SCML4: variants seen among roughly 807,000 people sequenced by gnomAD.
SCML4 encodes the protein sex comb on midleg-like protein 4.
In SCML4, 34 loss-of-function variants were observed where a neutral mutation model predicts 41.1. The ratio of observed to expected loss-of-function variants is 0.83; its 90% CI spans 0.63 to 1.10. The LOEUF (loss-of-function observed/expected upper bound fraction) is 1.10. Ranked by LOEUF, SCML4 falls within the 50% of genes least tolerant of loss-of-function variation. The probability of loss-of-function intolerance (pLI) is 0.00; values close to 1 mark genes in which losing one functional copy is unlikely to be tolerated. For missense variants in SCML4, 522 were observed against 534.1 expected (o/e 0.98, Z 0.22); for synonymous variants, 214 against 220.9 (o/e 0.97, Z 0.28).
intron 1 of SCML4, among the ~76,000 whole-genome samples, chr6:107,788,202 G>A (rs1782047510): frequency 6.6e-6 from 1 of 152,218 alleles, no homozygotes; most frequent in South Asian, 2.1e-4. Flanking sequence ...CCATGTTTCT[G>A]CAAGGACCAG....
chr6:107,795,805 G>A (rs893830753), intron 1 of SCML4, among the ~76,000 whole-genome samples: 12 of 152,174 alleles, frequency 7.9e-5, no homozygotes, highest in Admixed American at 5.2e-4. Context: ...GGGATTACAG[G>A]CTGGAGCCAC....
the SCML4 span, among the ~76,000 whole-genome samples, chr6:107,843,377 G>T: frequency 3.9e-5 from 6 of 152,122 alleles, no homozygotes; most frequent in Non-Finnish European, 5.9e-5. Context: ...TTGTTCCACT[G>T]CCCCTTTAAA....
At chr6:107,720,649 C>T (rs377613746) in intron 6 of SCML4, 54 bp downstream of exon 6, 97 of 1,467,662 alleles carry the variant, frequency 6.6e-5, no homozygotes, top group Admixed American at 4.7e-4. Flanking sequence ...GTGCTCCCCG[C>T]GCAAGGGCAA....
In SCML4 at chr6:107,746,733, A is replaced by C. The variant is rs747405400; in HGVS notation, c.443T>G (p.Val148Gly). ...ATAGCCCTGCTTGACCAGGGAGAAG[A>C]CCAGCTTCTGCTGGTGGGCGCAGTC... ...CIDCAHQQKL[V>G]FSLVKQGYGG... Residue 148 changes from valine to glycine, a missense_variant, in exon 4 of 8, where the codon GTC (valine) becomes GGC (glycine). Physicochemically the swap from Val to Gly is moderately radical, Grantham distance 109 (BLOSUM62 -3). Transcript: ENST00000369020. The C allele has an allele frequency of 3.1e-6, 5 of 1,614,106 alleles. No individual in the cohort carries two copies. Among genetic ancestry groups the C allele is most frequent in the Non-Finnish European group, 4.2e-6 (5 of 1,180,006 alleles).
chr6:107,839,919 T>C, the SCML4 span, among the ~76,000 whole-genome samples: 1 of 152,058 alleles, frequency 6.6e-6, no homozygotes, highest in African/African-American at 2.4e-5. Flanking sequence ...ATCTAAGTTG[T>C]AATTTTTAAA....
At chr6:107,779,112 G>A (rs181372276) in intron 1 of SCML4, among the ~76,000 whole-genome samples, 1 of 152,042 alleles carries the variant, frequency 6.6e-6, no homozygotes, top group Admixed American at 6.5e-5. Context: ...CCCGGGAGGC[G>A]GAGCTTGCAG....
At chr6:107,740,242 T>G (rs1027607656) in intron 5 of SCML4, 11 of 449,380 alleles carry the variant, frequency 2.4e-5, no homozygotes, top group Non-Finnish European at 5.0e-5. Flanking sequence ...CACAATAAAG[T>G]GTGAGACCAC....
chr6:107,765,110 C>A (rs181258153), intron 2 of SCML4, among the ~76,000 whole-genome samples: 2 of 152,318 alleles, frequency 1.3e-5, no homozygotes, highest in East Asian at 1.9e-4. Flanking sequence ...AGTCATTTAA[C>A]AGAAGCTGTC....
At chr6:107,744,205 T>C (rs2114490094) in intron 5 of SCML4, among the ~76,000 whole-genome samples, 1 of 152,332 alleles carries the variant, frequency 6.6e-6, no homozygotes, top group Middle Eastern at 3.4e-3. Context: ...TGCAGATCTA[T>C]AACTCAGGGC....
chr6:107,735,403 C>T (rs1776955485), intron 5 of SCML4, among the ~76,000 whole-genome samples: 1 of 152,164 alleles, frequency 6.6e-6, no homozygotes, highest in Admixed American at 6.5e-5. Context: ...CAGGAACGCA[C>T]CTCTCTTCAT....
At chr6:107,749,430 C>G (rs1021993401) in intron 3 of SCML4, among the ~76,000 whole-genome samples, 1 of 152,098 alleles carries the variant, frequency 6.6e-6, no homozygotes, top group Non-Finnish European at 1.5e-5. Flanking sequence ...TGTCATCCAC[C>G]TCCCTCCAAC....
chr6:107,801,442 C>G (rs1783115174), intron 1 of SCML4, among the ~76,000 whole-genome samples: 1 of 152,210 alleles, frequency 6.6e-6, no homozygotes, highest in Admixed American at 6.5e-5. Context: ...ACCTGCCCCC[C>G]ACCCCAGGTA....
At chr6:107,764,560 C>T (rs1044292198) in intron 2 of SCML4, among the ~76,000 whole-genome samples, 2 of 152,062 alleles carry the variant, frequency 1.3e-5, no homozygotes, top group Non-Finnish European at 2.9e-5. Context: ...AGGGCTCCTG[C>T]TCTGCCTGAG....
intron 7 of SCML4, among the ~76,000 whole-genome samples, chr6:107,706,948 C>A (rs1156303923): frequency 6.6e-6 from 1 of 152,118 alleles, no homozygotes; most frequent in East Asian, 1.9e-4. Flanking sequence ...CCACTGAGAC[C>A]CATGCCAGGC....
intron 3 of SCML4, among the ~76,000 whole-genome samples, chr6:107,747,735 G>T (rs2114501129): frequency 6.6e-6 from 1 of 152,156 alleles, no homozygotes; most frequent in South Asian, 2.1e-4. Flanking sequence ...AAGAGAAAAA[G>T]AAATATAAAT....
intron 2 of SCML4, among the ~76,000 whole-genome samples, chr6:107,769,296 G>T (rs1780323657): frequency 6.6e-6 from 1 of 152,224 alleles, no homozygotes; most frequent in South Asian, 2.1e-4. Flanking sequence ...CTGGGAGGGG[G>T]CCTGACCTAT....
intron 1 of SCML4, among the ~76,000 whole-genome samples, chr6:107,791,305 C>A (rs1035564693): frequency 6.6e-6 from 1 of 152,042 alleles, no homozygotes; most frequent in Non-Finnish European, 1.5e-5. Flanking sequence ...AGATGGCAGA[C>A]GCATGCTAAG....
the SCML4 span, among the ~76,000 whole-genome samples, chr6:107,845,208 C>T: frequency 6.6e-6 from 1 of 152,200 alleles, no homozygotes; most frequent in East Asian, 1.9e-4. Context: ...TGCACTCCAG[C>T]CCGGGCGACA....
chr6:107,828,895 A>G (rs1276496243), upstream of SCML4, among the ~76,000 whole-genome samples: 5 of 152,312 alleles, frequency 3.3e-5, no homozygotes, highest in East Asian at 9.6e-4. Flanking sequence ...AAAGTTAAAG[A>G]CAAAACCGTT....
Sources: gnomAD v4.1 joint callset for allele counts (sites outside exome capture counted in the v4.1 genomes callset) on GRCh38, gnomAD v4.1.1 for gene constraint, MANE v1.5 for transcripts, NCBI Gene and HGNC (gene_info 2026-07-23, HGNC 2026-07-21) for gene names.